The following SFSWAP variants were observed in gnomAD, a reference collection of about 807,000 sequenced individuals.
SFSWAP encodes splicing factor SWAP, also known as splicing factor, suppressor of white-apricot homolog.
In SFSWAP, 17 loss-of-function variants were observed where a neutral mutation model predicts 100.7. The ratio of observed to expected loss-of-function variants is 0.17; its 90% CI spans 0.12 to 0.25. SFSWAP has a LOEUF of 0.25. Ranked by LOEUF, SFSWAP falls within the 10% of genes least tolerant of loss-of-function variation. The probability of loss-of-function intolerance (pLI) is 1.00; values close to 1 mark genes in which losing one functional copy is unlikely to be tolerated. For synonymous variants in SFSWAP, 504 were observed against 510.1 expected, an observed-to-expected ratio of 0.99 and a Z score of 0.16; for missense variants, 1,005 against 1,262.6, an observed-to-expected ratio of 0.80 and a Z score of 3.09.
intron 10 of SFSWAP, 63 bp from the exon 11 acceptor site, chr12:131,756,410 C>G (rs1036763217): frequency 2.0e-6 from 3 of 1,478,336 alleles, no homozygotes; most frequent in Non-Finnish European, 1.9e-6. Flanking sequence ...GTATACATCT[C>G]TCTTTTTTTA....
At chr12:131,722,526 T>C (rs966581832) in intron 4 of SFSWAP, among the ~76,000 whole-genome samples, 1 of 152,248 alleles carries the variant, frequency 6.6e-6, no homozygotes, top group Non-Finnish European at 1.5e-5. Flanking sequence ...GATTCGATAG[T>C]TGCTGTTGTG....
At chr12:131,747,052 C>A (rs185342720) in intron 7 of SFSWAP, among the ~76,000 whole-genome samples, 2 of 146,304 alleles carry the variant, frequency 1.4e-5, no homozygotes, top group African/African-American at 2.6e-5. Context: ...TGCAGTGAGC[C>A]GAGATCGCAC....
rs80350371 is a variant in SFSWAP at position 131,762,451 on chromosome 12, T to C, written c.1721-2005T>C. 4.7e-3 allele frequency among the ~76,000 whole-genome samples: 717 copies of C among 152,342 alleles called. 5 individuals carry two copies. Among genetic ancestry groups the C allele is most frequent in the Non-Finnish European group, 8.1e-3 (553 of 68,026 alleles). On this transcript the variant is annotated intron_variant, in intron 11 of 17. Coordinates refer to ENST00000261674, the MANE Select transcript of SFSWAP (RefSeq NM_004592.4). The stretch of plus-strand genomic sequence containing the variant: ...AAATGTAAAATGAAATAAGCATTGC[T>C]AGAAGGTGTTCTGGAAGCTTTCATC...
At position 131,766,284 on chromosome 12, in the gene SFSWAP, T is replaced by G; in HGVS notation, c.2118T>G (p.Ile706Met). Residue 706 changes from isoleucine (I) to methionine (M), a missense_variant, in exon 13 of 18, where the codon ATT becomes ATG. Physicochemically the swap from Ile to Met is conservative, Grantham distance 10. This residue lies in a region of SFSWAP where 295 missense variants were observed against 347.9 expected (regional missense o/e 0.85). Transcript: ENST00000261674. ...NPLPEAEAGK[I>M]EESPFSVEES... is the part of the protein sequence containing the mutation. ...TGCCGGAAGCAGAAGCTGGGAAAAT[T>G]GAGGAGAGTCCTTTCAGTGTCGAGG... 1 of 1,614,120 alleles carries G rather than the reference T, an allele frequency of 6.2e-7. No individual in the cohort carries two copies. The highest frequency in any genetic ancestry group is 8.5e-7 in the Non-Finnish European group (1 of 1,180,024).
In SFSWAP at chr12:131,714,333, C is replaced by T. The variant is rs1355073169; in HGVS notation, c.388+93C>T. The T allele has an allele frequency of 2.9e-6, 3 of 1,051,830 alleles. No individual in the cohort carries two copies. Among genetic ancestry groups the T allele is most frequent in the South Asian group, 3.2e-5 (2 of 62,348 alleles). The allele number at this position is 1,051,830 out of a possible 1,614,324, so 65.2% of individuals were successfully genotyped here. A position where few individuals can be genotyped will look rare whatever the true frequency, so the allele number is the denominator to read the frequency against. Reference sequence around the variant, plus strand: ...TCCCATTCATTTTTTTATACTCACTCTTTCTGATATTATCTTGACAGTACC... The same window carrying T: ...TCCCATTCATTTTTTTATACTCACTTTTTCTGATATTATCTTGACAGTACC... On this transcript the variant is annotated intron_variant, in intron 2 of 17. Transcript: ENST00000261674. This position sits in a 1 kb window ranked among gnomAD's most constrained non-coding sequence, Gnocchi z 6.0.
chr12:131,794,405 C>T lies in SFSWAP; in HGVS notation c.2535-2773C>T, dbSNP rs887130392. 6.7e-6 allele frequency among the ~76,000 whole-genome samples: 1 copy of T among 149,900 alleles called. No homozygotes were observed. The highest frequency in any genetic ancestry group is 1.5e-5 in the Non-Finnish European group (1 of 67,758). On this transcript the variant is annotated intron_variant, in intron 15 of 17. Coordinates refer to ENST00000261674, the MANE Select transcript of SFSWAP (RefSeq NM_004592.4). This position sits in a 1 kb window ranked among gnomAD's most constrained non-coding sequence, Gnocchi z 4.8. Reference sequence around the variant, plus strand: ...AAAAAAAATTAGCCATTTGTGGTGGCGTCTGCCTGTCGTCCCAGCTACTTG... The same window carrying T: ...AAAAAAAATTAGCCATTTGTGGTGGTGTCTGCCTGTCGTCCCAGCTACTTG...
Position 131,733,797 on chromosome 12 carries a change from GCTTGT to G in SFSWAP, c.1081+5373_1081+5377del, listed in dbSNP as rs1350308034. Among the ~76,000 whole-genome samples, 7 of 152,078 alleles carry G rather than the reference GCTTGT, an allele frequency of 4.6e-5. No homozygotes were observed. Among genetic ancestry groups the G allele is most frequent in the Admixed American group, 3.9e-4 (6 of 15,278 alleles). The stretch of plus-strand genomic sequence containing the variant: ...CGAGGTGTGCAGAGTGTGTGTTCAG[GCTTGT>G]CTTCCTGCCGCAGCGCAGCAGCCCT... On this transcript the variant is annotated intron_variant, in intron 7 of 17. Coordinates refer to ENST00000261674, the MANE Select transcript of SFSWAP (RefSeq NM_004592.4). This position sits in a 1 kb window ranked among gnomAD's most constrained non-coding sequence, Gnocchi z 5.1.
intron 11 of SFSWAP, among the ~76,000 whole-genome samples, chr12:131,759,019 G>T (rs181535693): frequency 6.6e-6 from 1 of 152,184 alleles, no homozygotes; most frequent in African/African-American, 2.4e-5. Flanking sequence ...CCCAGGAGAC[G>T]GAGGTTGCAG....
At chr12:131,771,807 C>T (rs1203461670) in intron 13 of SFSWAP, among the ~76,000 whole-genome samples, 4 of 152,086 alleles carry the variant, frequency 2.6e-5, no homozygotes, top group African/African-American at 9.6e-5. Context: ...GGACTATAGG[C>T]GGGCGCCACC....
Position 131,711,175 on chromosome 12 carries a change from T to C in SFSWAP, c.-55T>C. The C allele has an allele frequency of 7.1e-7, 1 of 1,411,240 alleles. No homozygotes were observed. The highest frequency in any genetic ancestry group is 9.5e-7 in the Non-Finnish European group (1 of 1,048,360). The allele number at this position is 1,411,240 out of a possible 1,614,324, so 87.4% of individuals were successfully genotyped here. A position where few individuals can be genotyped will look rare whatever the true frequency, so the allele number is the denominator to read the frequency against. ...TGAAGGGGTAGGCCAAGTGGAGGTA[T>C]CAGGGACGTCGCGCGGCACAGAAGA... is the stretch of plus-strand genomic sequence containing the variant. On this transcript the variant is annotated 5_prime_UTR_variant, in exon 1 of 18. Transcript: ENST00000261674. The surrounding 1 kb of genome is among the most constrained non-coding windows in gnomAD (Gnocchi z 4.9).
chr12:131,766,172 A>G lies in SFSWAP; in HGVS notation c.2006A>G (p.Gln669Arg), dbSNP rs1165701042. 1 of 1,614,094 alleles carries G rather than the reference A, an allele frequency of 6.2e-7. No homozygotes were observed. The highest frequency in any genetic ancestry group is 1.1e-5 in the South Asian group (1 of 91,082). The change falls in exon 13 of 18, where the codon CAG (glutamine) becomes CGG (arginine). Residue 669 changes from glutamine to arginine, a missense_variant. Transcript: ENST00000261674. ...LAAAAREKLA[Q>R]ASKESKEKQL... is the part of the protein sequence containing the mutation. ...GCTGCTGCCCGGGAAAAGCTGGCCC[A>G]GGCGTCTAAGGAGTCAAAAGAGAAA...
At chr12:131,798,073 G>T (rs1229107951) in intron 16 of SFSWAP, among the ~76,000 whole-genome samples, 1 of 152,220 alleles carries the variant, frequency 6.6e-6, no homozygotes, top group African/African-American at 2.4e-5. Flanking sequence ...GGGCGCCGTG[G>T]CTCATACCTG....
Position 131,733,797 on chromosome 12 carries a change from GCTTGTCTT to G in SFSWAP, c.1081+5371_1081+5378del, listed in dbSNP as rs1166801494. Reference sequence around the variant, plus strand: ...CGAGGTGTGCAGAGTGTGTGTTCAGGCTTGTCTTCCTGCCGCAGCGCAGCAGCCCTCCC... The same window carrying G: ...CGAGGTGTGCAGAGTGTGTGTTCAGGCCTGCCGCAGCGCAGCAGCCCTCCC... On this transcript the variant is annotated intron_variant, in intron 7 of 17. Coordinates refer to ENST00000261674, the MANE Select transcript of SFSWAP (RefSeq NM_004592.4). This position sits in a 1 kb window ranked among gnomAD's most constrained non-coding sequence, Gnocchi z 5.1. Among the ~76,000 whole-genome samples the G allele has an allele frequency of 2.6e-5, 4 of 152,078 alleles. No individual in the cohort carries two copies. Among genetic ancestry groups the G allele is most frequent in the Non-Finnish European group, 4.4e-5 (3 of 67,984 alleles).
intron 5 of SFSWAP, among the ~76,000 whole-genome samples, chr12:131,726,384 A>AT (rs1038675682): frequency 2.0e-4 from 30 of 152,150 alleles, no homozygotes; most frequent in African/African-American, 7.2e-4. Flanking sequence ...TAATTTTTGT[A>AT]TTTTTAGTAG....
intron 8 of SFSWAP, 56 bp from the exon 9 acceptor site, chr12:131,754,312 G>T (rs1881936825): frequency 1.4e-6 from 2 of 1,437,772 alleles, no homozygotes; most frequent in Admixed American, 2.6e-5. Flanking sequence ...GAGCAGCCAG[G>T]ACTGAGCTTG....
intron 12 of SFSWAP, 24 bp from the exon 13 acceptor site, chr12:131,766,094 T>C: frequency 6.3e-7 from 1 of 1,579,730 alleles, no homozygotes; most frequent in South Asian, 1.2e-5. Flanking sequence ...TAAACTTCTC[T>C]TTTTTCTTTG....
Position 131,726,890 on chromosome 12 carries a change from C to CT in SFSWAP, c.833-43dup, listed in dbSNP as rs150928130. On this transcript the variant is annotated intron_variant, in intron 5 of 17. Transcript: ENST00000261674. ...TAAGTTTTTGCATAATTAATTTGTA[C>CT]TTTTTTTCTCACCAAACACCAAAAT... 1.0e-5 allele frequency: 12 copies of CT among 1,169,316 alleles called. No homozygotes were observed. The African/African-American group carries it at 1.4e-4, about 14-fold the overall frequency. 72.4% of individuals were successfully genotyped at this position (1,169,316 alleles called of 1,614,324 possible).
chr12:131,749,769 G>A lies in SFSWAP; in HGVS notation c.1082-3354G>A, dbSNP rs969060749. Reference sequence around the variant, plus strand: ...TGCTCATGCCAGGAGCTGTGTGAGCGGCTAAGGTTTTGTGGTCACTATTTG... The same window carrying A: ...TGCTCATGCCAGGAGCTGTGTGAGCAGCTAAGGTTTTGTGGTCACTATTTG... On this transcript the variant is annotated intron_variant, in intron 7 of 17. Transcript: ENST00000261674. 5.3e-5 allele frequency among the ~76,000 whole-genome samples: 8 copies of A among 152,344 alleles called. No individual in the cohort carries two copies. The East Asian group carries it at 9.6e-4, about 18-fold the overall frequency.
intron 7 of SFSWAP, among the ~76,000 whole-genome samples, chr12:131,729,873 A>G (rs1372435320): frequency 1.3e-5 from 2 of 152,226 alleles, no homozygotes; most frequent in African/African-American, 2.4e-5. Flanking sequence ...TTTTGTAAAC[A>G]TCACAGCTGT....
Sources: allele counts gnomAD v4.1 joint callset (sites outside exome capture counted in the v4.1 genomes callset), GRCh38; gene constraint gnomAD v4.1.1; regional missense constraint gnomAD v4.1.1; non-coding constraint Gnocchi (gnomAD v3.1); transcripts MANE v1.5; gene names NCBI Gene and HGNC (gene_info 2026-07-23, HGNC 2026-07-21).